Variants in EPHA5 observed in about 807,000 individuals in gnomAD.
The protein encoded by EPHA5 is ephrin type-A receptor 5.
In EPHA5, 60 loss-of-function variants were observed where a neutral mutation model predicts 105.0. The ratio of observed to expected loss-of-function variants is 0.57; its 90% CI spans 0.46 to 0.71. The LOEUF is 0.71. EPHA5 is among the 30% of genes least tolerant of loss of function. EPHA5 has a pLI of 0.00. For missense variants in EPHA5, 1,218 were observed against 1,274.7 expected (o/e 0.96, Z 0.68); for synonymous variants, 513 against 449.1 (o/e 1.14, Z -1.80).
intron 1 of EPHA5, among the ~76,000 whole-genome samples, chr4:65,650,013 T>C (rs575438819): frequency 6.6e-6 from 1 of 152,118 alleles, no homozygotes; most frequent in Non-Finnish European, 1.5e-5. Flanking sequence ...TAACAAATGA[T>C]ATTAACAAAT....
At chr4:65,328,677 C>T (rs1335136499) in intron 16 of EPHA5, among the ~76,000 whole-genome samples, 2 of 150,700 alleles carry the variant, frequency 1.3e-5, no homozygotes, top group Non-Finnish European at 3.0e-5. Flanking sequence ...TTGCAGAACC[C>T]TAACAATCAA....
intron 2 of EPHA5, among the ~76,000 whole-genome samples, chr4:65,625,197 T>C (rs1746025618): frequency 6.6e-6 from 1 of 152,176 alleles, no homozygotes; most frequent in Admixed American, 6.5e-5. Flanking sequence ...TAGAGAGCTA[T>C]GTTGTAGAAC....
intron 5 of EPHA5, among the ~76,000 whole-genome samples, chr4:65,439,107 C>A (rs1444858689): frequency 6.6e-6 from 1 of 152,122 alleles, no homozygotes; most frequent in Non-Finnish European, 1.5e-5. Context: ...GGAAAAACTA[C>A]AACTAGCAGT....
intron 1 of EPHA5, among the ~76,000 whole-genome samples, chr4:65,667,897 T>A (rs1335347160): frequency 6.6e-6 from 1 of 152,112 alleles, no homozygotes; most frequent in Non-Finnish European, 1.5e-5. Flanking sequence ...TTCGGTGGAA[T>A]AAGACAGTTA....
chr4:65,433,460 T>G (rs1238184677), intron 5 of EPHA5, among the ~76,000 whole-genome samples: 1 of 152,212 alleles, frequency 6.6e-6, no homozygotes, highest in African/African-American at 2.4e-5. Context: ...TAAAATGTTA[T>G]GTTGGCCATA....
intron 14 of EPHA5, among the ~76,000 whole-genome samples, chr4:65,340,823 C>T (rs953992179): frequency 1.4e-4 from 22 of 152,068 alleles, no homozygotes; most frequent in African/African-American, 4.6e-4. Context: ...TAGTAATTGG[C>T]CAACAACACT....
At chr4:65,618,503 A>G (rs2149471836) in intron 2 of EPHA5, among the ~76,000 whole-genome samples, 1 of 152,260 alleles carries the variant, frequency 6.6e-6, no homozygotes, top group South Asian at 2.1e-4. Context: ...TTTTCACAAG[A>G]ATTTAGAGCC....
intron 8 of EPHA5, among the ~76,000 whole-genome samples, chr4:65,391,210 A>T (rs1720683180): frequency 6.6e-6 from 1 of 152,046 alleles, no homozygotes. Context: ...GGGGATTATA[A>T]TTCAAGATGA....
chr4:65,583,806 T>C (rs568044770), intron 3 of EPHA5, among the ~76,000 whole-genome samples: 1 of 151,812 alleles, frequency 6.6e-6, no homozygotes, highest in South Asian at 2.1e-4. Context: ...AGAAATTCTA[T>C]TATTTGACAT....
intron 5 of EPHA5, among the ~76,000 whole-genome samples, chr4:65,458,125 A>G (rs1727788060): frequency 6.7e-6 from 1 of 150,030 alleles, no homozygotes; most frequent in African/African-American, 2.4e-5. Context: ...GGAAGTTTTT[A>G]TACTAAGATA....
chr4:65,404,108 G>C (rs1325075264), intron 8 of EPHA5, among the ~76,000 whole-genome samples: 1 of 152,074 alleles, frequency 6.6e-6, no homozygotes, highest in Non-Finnish European at 1.5e-5. Context: ...GTCATATAAA[G>C]AGATATAGCT....
chr4:65,420,725 T>A (rs1335207252), intron 5 of EPHA5, among the ~76,000 whole-genome samples, 160 bp from the exon 6 acceptor site: 1 of 152,110 alleles, frequency 6.6e-6, no homozygotes, highest in African/African-American at 2.4e-5. Context: ...ATTGTGAAGA[T>A]TTTTTACAAA....
At chr4:65,524,610 A>G (rs1390803066) in intron 3 of EPHA5, among the ~76,000 whole-genome samples, 2 of 151,830 alleles carry the variant, frequency 1.3e-5, no homozygotes, top group African/African-American at 2.4e-5. Context: ...AATAACTCCT[A>G]GAGAAAGGAA....
At chr4:65,351,047 AT>A (rs1722766225) in intron 13 of EPHA5, among the ~76,000 whole-genome samples, 5 of 149,932 alleles carry the variant, frequency 3.3e-5, no homozygotes, top group Admixed American at 6.7e-5. Context: ...ATATATATAT[AT>A]AACCTTTAAT....
intron 3 of EPHA5, among the ~76,000 whole-genome samples, chr4:65,599,495 A>G (rs754148527): frequency 6.6e-6 from 1 of 152,132 alleles, no homozygotes; most frequent in Non-Finnish European, 1.5e-5. Context: ...ATTCTATTAC[A>G]TAAGTTGTGT....
intron 8 of EPHA5, among the ~76,000 whole-genome samples, chr4:65,395,990 G>T (rs1560491137): frequency 6.6e-6 from 1 of 152,154 alleles, no homozygotes; most frequent in Non-Finnish European, 1.5e-5. Context: ...CAAATTGGCA[G>T]GGCAGGAGCC....
chr4:65,548,642 C>G (rs947733865), intron 3 of EPHA5, among the ~76,000 whole-genome samples: 2 of 152,100 alleles, frequency 1.3e-5, no homozygotes, highest in Non-Finnish European at 1.5e-5. Context: ...TTCTGCATGA[C>G]TTACAAGCAG....
chr4:65,488,742 T>A (rs556239526), intron 5 of EPHA5, among the ~76,000 whole-genome samples: 1 of 152,348 alleles, frequency 6.6e-6, no homozygotes, highest in South Asian at 2.1e-4. Context: ...TAGACAAATA[T>A]TCAATGTGGC....
chr4:65,578,897 G>A (rs1741331472), intron 3 of EPHA5, among the ~76,000 whole-genome samples: 1 of 151,928 alleles, frequency 6.6e-6, no homozygotes, highest in Non-Finnish European at 1.5e-5. Flanking sequence ...TTCCATATTG[G>A]TGTAAAATGC....
Sources: gnomAD v4.1 joint callset for allele counts (sites outside exome capture counted in the v4.1 genomes callset) on GRCh38, gnomAD v4.1.1 for gene constraint, MANE v1.5 for transcripts, NCBI Gene and HGNC (gene_info 2026-07-23, HGNC 2026-07-21) for gene names.